SHC4: variants seen among roughly 807,000 people sequenced by gnomAD.
The protein encoded by SHC4 is SHC adaptor protein 4, also known as SHC-transforming protein 4.
In SHC4, 41 loss-of-function variants were observed where a neutral mutation model predicts 69.4. The observed-to-expected ratio is 0.59, with a 90% CI of 0.46 to 0.77. The LOEUF (loss-of-function observed/expected upper bound fraction) is 0.77, where lower values mean the gene tolerates loss of function less well. Ranked by LOEUF, SHC4 falls within the 30% of genes least tolerant of loss-of-function variation. The pLI is 0.00. For missense variants in SHC4, 777 were observed against 783.8 expected, an observed-to-expected ratio of 0.99 and a Z score of 0.10; for synonymous variants, 318 against 299.3, an observed-to-expected ratio of 1.06 and a Z score of -0.64.
At chr15:48,873,068 G>T (rs1403089879) in intron 4 of SHC4, among the ~76,000 whole-genome samples, 1 of 152,038 alleles carries the variant, frequency 6.6e-6, no homozygotes, top group East Asian at 1.9e-4. Flanking sequence ...GACAATAACT[G>T]CCCTGTTCAT....
chr15:48,918,412 C>T (rs1434100576), intron 2 of SHC4, among the ~76,000 whole-genome samples: 5 of 152,210 alleles, frequency 3.3e-5, no homozygotes, highest in African/African-American at 1.2e-4. Flanking sequence ...CCCACCCAAC[C>T]TCCCAAATAC....
intron 1 of SHC4, among the ~76,000 whole-genome samples, chr15:48,925,240 ATT>A (rs1361310926): frequency 6.6e-6 from 1 of 152,200 alleles, no homozygotes; most frequent in Non-Finnish European, 1.5e-5. Flanking sequence ...GATCATGTGA[ATT>A]TGCATCCTGG....
chr15:48,927,014 G>A (rs1256662263), intron 1 of SHC4, among the ~76,000 whole-genome samples: 1 of 152,006 alleles, frequency 6.6e-6, no homozygotes, highest in Non-Finnish European at 1.5e-5. Flanking sequence ...CCCATCACAC[G>A]TAACTTCCCA....
chr15:48,888,882 CAAA>C (rs36036782), intron 3 of SHC4, among the ~76,000 whole-genome samples: 40 of 89,116 alleles, frequency 4.5e-4, no homozygotes, highest in African/African-American at 1.3e-3. Context: ...GTGAAACTGT[CAAA>C]AAAAAAAAAA....
intron 8 of SHC4, among the ~76,000 whole-genome samples, chr15:48,855,169 C>T (rs1206038415): frequency 6.6e-6 from 1 of 151,526 alleles, no homozygotes; most frequent in Non-Finnish European, 1.5e-5. Flanking sequence ...TACACATGTA[C>T]CCCTTGAGCC....
rs183711324 is a variant in SHC4, at chr15:48,920,571, G to A, written c.656+4308C>T. 7.3e-3 allele frequency among the ~76,000 whole-genome samples: 1,108 copies of A among 152,058 alleles called. 12 individuals are homozygous for A. Among genetic ancestry groups the A allele is most frequent in the Non-Finnish European group, 8.4e-3 (572 of 67,980 alleles). On this transcript the variant is annotated intron_variant, in intron 2 of 11. Coordinates refer to ENST00000332408, the MANE Select transcript of SHC4 (RefSeq NM_203349.4). ...ATTACAGGCATGAGCCACCGCGCCC[G>A]GCCAGAGATTTTTTTAAGTAGATAA... is the stretch of plus-strand genomic sequence containing the variant.
At chr15:48,838,031 G>A (rs559134128) in intron 10 of SHC4, among the ~76,000 whole-genome samples, 2 of 152,200 alleles carry the variant, frequency 1.3e-5, no homozygotes, top group South Asian at 4.1e-4. Context: ...TATTATTTTA[G>A]CAAAGCACTG....
In SHC4 at chr15:48,834,796, A is replaced by G. The variant is rs555561182; in HGVS notation, c.1710T>C (p.His570=). ...TGCCTTCAGGATCCACCAGGAGAAG[A>G]TGTTTTGCTTGGCCTCCCTGTAGTC... ...LSGLQGGQAK[H]LLLVDPEGKV... is the part of the protein sequence containing the mutation. The change falls in exon 11 of 12, where the codon CAT becomes CAC. Residue 570 remains histidine, a synonymous_variant. Transcript: ENST00000332408. 6.2e-7 allele frequency: 1 copy of G among 1,614,144 alleles called. No individual in the cohort carries two copies. The highest frequency in any genetic ancestry group is 1.3e-5 in the African/African-American group (1 of 75,048).
chr15:48,924,629 C>G (rs1900813268), intron 2 of SHC4, among the ~76,000 whole-genome samples: 1 of 152,214 alleles, frequency 6.6e-6, no homozygotes, highest in Non-Finnish European at 1.5e-5. Flanking sequence ...GGGAAACCAG[C>G]TATTTCTGTA....
intron 1 of SHC4, among the ~76,000 whole-genome samples, chr15:48,937,623 G>T (rs1297484243): frequency 6.6e-6 from 1 of 151,292 alleles, no homozygotes; most frequent in African/African-American, 2.4e-5. Context: ...TAGATAGATA[G>T]ATAGAGATAT....
rs1405108077 is a variant in SHC4, at chr15:48,959,555, C to CT, written c.585+2875dup. 8.5e-5 allele frequency among the ~76,000 whole-genome samples: 13 copies of CT among 152,150 alleles called. No individual in the cohort carries two copies. In the East Asian group the frequency reaches 1.5e-3, roughly 18 times the overall value. ...GATAAGAAGGTAGAATATGAAGTGG[C>CT]TTTTTTCCTGTAAACTTTGCCCCTA... On this transcript the variant is annotated intron_variant, in intron 1 of 11. Coordinates refer to ENST00000332408, the MANE Select transcript of SHC4 (RefSeq NM_203349.4).
intron 4 of SHC4, chr15:48,878,508 A>T: frequency 6.2e-7 from 1 of 1,614,050 alleles, no homozygotes; most frequent in Non-Finnish European, 8.5e-7. Flanking sequence ...GACTACGACT[A>T]TCCCGAAGAG....
chr15:48,925,068 G>T, intron 1 of SHC4, 119 bp from the exon 2 acceptor site: 1 of 945,476 alleles, frequency 1.1e-6, no homozygotes, highest in Non-Finnish European at 1.7e-6. Flanking sequence ...AGTTACATTT[G>T]CACCCTCTGC....
chr15:48,854,028 T>G (rs1899264815), intron 8 of SHC4, among the ~76,000 whole-genome samples: 1 of 151,768 alleles, frequency 6.6e-6, no homozygotes, highest in Non-Finnish European at 1.5e-5. Flanking sequence ...ATCAACAGAG[T>G]AAACAGACAA....
chr15:48,873,925 T>C (rs1206781565), intron 4 of SHC4, among the ~76,000 whole-genome samples: 2 of 152,196 alleles, frequency 1.3e-5, no homozygotes, highest in African/African-American at 2.4e-5. Flanking sequence ...GATGAGAAGA[T>C]GGTATTACAA....
At chr15:48,878,160 G>C (rs769521487) in intron 4 of SHC4, 5 of 1,529,384 alleles carry the variant, frequency 3.3e-6, no homozygotes, top group Non-Finnish European at 4.4e-6. Context: ...TTTCCTAGAG[G>C]TTGAGCGGTT....
chr15:48,900,388 T>A (rs1457292126), intron 2 of SHC4, among the ~76,000 whole-genome samples: 2 of 151,922 alleles, frequency 1.3e-5, no homozygotes, highest in Non-Finnish European at 2.9e-5. Context: ...GCACCTGTAG[T>A]CCTAGCTACT....
In SHC4 at chr15:48,944,600, T is replaced by C. The variant is rs903056847; in HGVS notation, c.585+17831A>G. 7.2e-5 allele frequency among the ~76,000 whole-genome samples: 11 copies of C among 152,186 alleles called. 1 individual carries two copies. The highest frequency in any genetic ancestry group is 7.2e-4 in the Admixed American group (11 of 15,272). ...CCTGGGTTATTGATGACTGAATCCC[T>C]GGCCAACCTACCTAACATGAACAAA... is the stretch of plus-strand genomic sequence containing the variant. On this transcript the variant is annotated intron_variant, in intron 1 of 11. Transcript: ENST00000332408.
At chr15:48,946,009 T>A (rs934053339) in intron 1 of SHC4, 15 of 152,162 alleles carry the variant, frequency 9.9e-5, no homozygotes, top group Non-Finnish European at 1.6e-4. Flanking sequence ...GAGGTTTCCA[T>A]GTAAAATACT....
Sources: gnomAD v4.1 joint callset for allele counts (sites outside exome capture counted in the v4.1 genomes callset) on GRCh38, gnomAD v4.1.1 for gene constraint, MANE v1.5 for transcripts, NCBI Gene and HGNC (gene_info 2026-07-23, HGNC 2026-07-21) for gene names.